The following TLK1 variants were observed in gnomAD, a reference collection of about 807,000 sequenced individuals.
TLK1 encodes serine/threonine-protein kinase tousled-like 1.
Under a neutral mutation model 105.3 loss-of-function variants are expected in TLK1, and 24 were observed. The observed-to-expected ratio is 0.23, with a 90% CI of 0.17 to 0.32. The LOEUF is 0.32. Among genes scored for constraint, TLK1 ranks in the 10% least tolerant of loss-of-function variants. The pLI, the probability that TLK1 is intolerant of heterozygous loss-of-function variation, is 1.00. For missense variants in TLK1, 558 were observed against 910.5 expected, an observed-to-expected ratio of 0.61 and a Z score of 4.98; for synonymous variants, 321 against 310.4, an observed-to-expected ratio of 1.03 and a Z score of -0.36.
intron 1 of TLK1, among the ~76,000 whole-genome samples, chr2:171,145,387 C>T (rs947833476): frequency 2.0e-5 from 3 of 151,968 alleles, no homozygotes; most frequent in African/African-American, 7.2e-5. Flanking sequence ...GTCAGGAGTT[C>T]GAGGCCAGCC....
At chr2:171,109,781 G>A (rs976486654) in intron 2 of TLK1, among the ~76,000 whole-genome samples, 13 of 152,104 alleles carry the variant, frequency 8.5e-5, no homozygotes, top group Non-Finnish European at 1.3e-4. Flanking sequence ...TCCATACAGT[G>A]GAATTCTATT....
chr2:171,079,053 G>C (rs570180674), intron 3 of TLK1, among the ~76,000 whole-genome samples: 28 of 152,348 alleles, frequency 1.8e-4, no homozygotes, highest in African/African-American at 6.5e-4. Context: ...TTGAAAACCA[G>C]TGGAATCACT....
chr2:171,027,260 A>AATAAT, intron 12 of TLK1, among the ~76,000 whole-genome samples: 1 of 152,274 alleles, frequency 6.6e-6, no homozygotes, highest in South Asian at 2.1e-4. Context: ...CCTATAATTC[A>AATAAT]GCCTATTTAA....
chr2:171,221,423 C>G (rs186364641), intron 1 of TLK1, among the ~76,000 whole-genome samples: 5 of 152,082 alleles, frequency 3.3e-5, no homozygotes, highest in Non-Finnish European at 5.9e-5. Context: ...TGCACCTCAC[C>G]GAAACTTCAT....
intron 2 of TLK1, among the ~76,000 whole-genome samples, chr2:171,101,991 T>C (rs1253785818): frequency 6.6e-6 from 1 of 152,154 alleles, no homozygotes; most frequent in Admixed American, 6.5e-5. Context: ...GCTACTTTGG[T>C]TTCTTTCTTA....
At chr2:171,038,507 C>T (rs1686486798) in intron 11 of TLK1, among the ~76,000 whole-genome samples, 1 of 152,168 alleles carries the variant, frequency 6.6e-6, no homozygotes, top group Non-Finnish European at 1.5e-5. Flanking sequence ...TGTTATGTAG[C>T]ACTTTCACTA....
chr2:171,024,544 T>G (rs536482786), intron 12 of TLK1, among the ~76,000 whole-genome samples: 2 of 152,268 alleles, frequency 1.3e-5, no homozygotes, highest in African/African-American at 4.8e-5. Context: ...CAGTACTTAA[T>G]AGAGATGCAA....
chr2:171,206,298 G>A (rs578067140), intron 1 of TLK1, among the ~76,000 whole-genome samples: 1 of 152,118 alleles, frequency 6.6e-6, no homozygotes, highest in African/African-American at 2.4e-5. Flanking sequence ...ATAAAATATG[G>A]CATGCGTTTG....
At chr2:171,056,282 GA>G (rs1052095729) in intron 6 of TLK1, among the ~76,000 whole-genome samples, 188 bp downstream of exon 6, 14 of 152,124 alleles carry the variant, frequency 9.2e-5, no homozygotes, top group African/African-American at 2.4e-4. Context: ...CTCACTTCCA[GA>G]AATAAAATTC....
intron 1 of TLK1, among the ~76,000 whole-genome samples, chr2:171,202,248 G>A (rs1693418353): frequency 6.6e-6 from 1 of 152,152 alleles, no homozygotes; most frequent in Admixed American, 6.5e-5. Context: ...CTGAGGTCAG[G>A]AGTTCGAGAT....
chr2:171,174,820 A>T (rs1342092594), intron 1 of TLK1, among the ~76,000 whole-genome samples: 2 of 151,954 alleles, frequency 1.3e-5, no homozygotes, highest in African/African-American at 4.8e-5. Context: ...TTCTGTAGCT[A>T]CTTATTATTT....
chr2:171,016,953 T>C (rs1685241782), intron 12 of TLK1, among the ~76,000 whole-genome samples: 1 of 152,186 alleles, frequency 6.6e-6, no homozygotes, highest in South Asian at 2.1e-4. Context: ...GGAGATTTTC[T>C]ACAATAGGTA....
At chr2:171,161,667 A>G (rs1407665644), upstream of TLK1, among the ~76,000 whole-genome samples, 1 of 152,214 alleles carries the variant, frequency 6.6e-6, no homozygotes, top group Non-Finnish European at 1.5e-5. Flanking sequence ...CATATTTAGG[A>G]AAACTATACA....
chr2:171,000,589 G>GT (rs1684316725), intron 18 of TLK1, among the ~76,000 whole-genome samples: 1 of 152,008 alleles, frequency 6.6e-6, no homozygotes, highest in Non-Finnish European at 1.5e-5. Flanking sequence ...TATGACAAAA[G>GT]TTTTCATCCT....
At chr2:171,028,079 C>T (rs1199200993) in intron 12 of TLK1, among the ~76,000 whole-genome samples, 1 of 152,164 alleles carries the variant, frequency 6.6e-6, no homozygotes, top group African/African-American at 2.4e-5. Flanking sequence ...ACGAAAATTG[C>T]TTGAACCAGG....
At chr2:170,995,156 A>AG (rs1028943745) in intron 20 of TLK1, among the ~76,000 whole-genome samples, 6 of 152,054 alleles carry the variant, frequency 3.9e-5, no homozygotes, top group Non-Finnish European at 8.8e-5. Context: ...AATGATTAAG[A>AG]GGGAAAAAAA....
chr2:171,210,958 C>T lies in TLK1; in HGVS notation c.-6+20187G>A, dbSNP rs185169408. 3.2e-4 allele frequency among the ~76,000 whole-genome samples: 48 copies of T among 152,220 alleles called. No homozygotes were observed. In the East Asian group the frequency reaches 8.5e-3, roughly 27 times the overall value. ...ACTTCAGCCAGCAGGTATATACAGC[C>T]GGATGTGCCAGGGACAGCAGTCATA... On this transcript the variant is annotated intron_variant, in intron 1 of 20. Coordinates refer to the TLK1 transcript ENST00000521943.
At chr2:171,200,266 C>A (rs560856415) in intron 1 of TLK1, among the ~76,000 whole-genome samples, 1 of 152,244 alleles carries the variant, frequency 6.6e-6, no homozygotes, top group Admixed American at 6.5e-5. Flanking sequence ...TTTGCTTCAT[C>A]CTTCAAGTGC....
At chr2:171,210,065 T>C (rs969753679) in intron 1 of TLK1, among the ~76,000 whole-genome samples, 3 of 152,122 alleles carry the variant, frequency 2.0e-5, no homozygotes, top group Non-Finnish European at 4.4e-5. Flanking sequence ...ATGTCTTCAT[T>C]TATGTTTATT....
Sources: gnomAD v4.1 joint callset for allele counts (sites outside exome capture counted in the v4.1 genomes callset) on GRCh38, gnomAD v4.1.1 for gene constraint, MANE v1.5 for transcripts, NCBI Gene and HGNC (gene_info 2026-07-23, HGNC 2026-07-21) for gene names.